The following MCM10 variants were observed in gnomAD, a reference collection of about 807,000 sequenced individuals.
The protein encoded by MCM10 is minichromosome maintenance 10 replication initiation factor.
MCM10 carries 91 observed loss-of-function variants against 109.9 expected under a neutral mutation model. That is an observed-to-expected ratio of 0.83 (90% CI 0.70 to 0.99). The LOEUF is 0.99. Among genes scored for constraint, MCM10 ranks in the 50% least tolerant of loss-of-function variants. The probability of loss-of-function intolerance (pLI) is 0.00; values close to 1 mark genes in which losing one functional copy is unlikely to be tolerated. For synonymous variants in MCM10, 380 were observed against 387.2 expected (o/e 0.98, Z 0.22); for missense variants, 1,077 against 1,061.2 (o/e 1.01, Z -0.21).
intron 18 of MCM10, among the ~76,000 whole-genome samples, chr10:13,205,848 A>T (rs1236745001): frequency 6.6e-6 from 1 of 151,926 alleles, no homozygotes; most frequent in East Asian, 1.9e-4. Flanking sequence ...TTCTCTTTTT[A>T]CTTTTGGGGG....
chr10:13,195,295 A>G, intron 14 of MCM10, 26 bp downstream of exon 14: 2 of 1,546,538 alleles, frequency 1.3e-6, no homozygotes, highest in East Asian at 2.4e-5. Flanking sequence ...TCTCTTTAGC[A>G]CTTGAGTTTG....
At chr10:13,194,654 T>C (rs1432707403) in intron 13 of MCM10, among the ~76,000 whole-genome samples, 1 of 152,188 alleles carries the variant, frequency 6.6e-6, no homozygotes, top group Admixed American at 6.5e-5. Context: ...CCCAGTAGCA[T>C]AAACAAAGAT....
At chr10:13,165,233 A>C (rs1833979969) in intron 2 of MCM10, among the ~76,000 whole-genome samples, 1 of 152,224 alleles carries the variant, frequency 6.6e-6, no homozygotes, top group Non-Finnish European at 1.5e-5. Context: ...CAATTATGAC[A>C]ATATACTGTA....
rs1834092725 is a variant in MCM10, at chr10:13,172,799, A to G, written c.592+34A>G. Reference sequence around the variant, plus strand: ...CTTGCGGTCTCAGTATCTTGGCACTATTGTATGTGTTTATGTGTGTGGGGG... The same window carrying G: ...CTTGCGGTCTCAGTATCTTGGCACTGTTGTATGTGTTTATGTGTGTGGGGG... On this transcript the variant is annotated intron_variant, in intron 5 of 19. Transcript: ENST00000378714. The surrounding 1 kb of genome is among the most constrained non-coding windows in gnomAD (Gnocchi z 5.2). The G allele has an allele frequency of 3.7e-6, 6 of 1,610,638 alleles. No homozygotes were observed. The highest frequency in any genetic ancestry group is 2.2e-5 in the East Asian group (1 of 44,842).
At position 13,198,788 on chromosome 10, in the gene MCM10, A is replaced by T; in HGVS notation, c.2219A>T (p.His740Leu). 1 of 1,612,354 alleles carries T rather than the reference A, an allele frequency of 6.2e-7. No individual in the cohort carries two copies. The highest frequency in any genetic ancestry group is 8.5e-7 in the Non-Finnish European group (1 of 1,179,258). Residue 740 changes from histidine (H) to leucine (L), a missense_variant, in exon 16 of 20, where the codon CAC becomes CTC. Transcript: ENST00000378714. ...AAAATCCTAAAAGCAAAATCAAAAC[A>T]CACAGGCATCCTGAAAGAGGTAAGA... is the stretch of plus-strand genomic sequence containing the variant. ...FQKILKAKSK[H>L]TGILKEAEAE...
chr10:13,163,712 A>T (rs555271009), intron 1 of MCM10, among the ~76,000 whole-genome samples: 10 of 152,136 alleles, frequency 6.6e-5, no homozygotes, highest in African/African-American at 1.4e-4. Context: ...TGTAATTTTT[A>T]AAAAAGACAA....
At chr10:13,173,512 C>A (rs1000067999) in intron 5 of MCM10, among the ~76,000 whole-genome samples, 3 of 152,170 alleles carry the variant, frequency 2.0e-5, no homozygotes, top group African/African-American at 4.8e-5. Flanking sequence ...AGTGAAAAGG[C>A]TTTCTGCCCT....
chr10:13,202,682 C>G (rs999952143), intron 17 of MCM10, among the ~76,000 whole-genome samples: 2 of 152,070 alleles, frequency 1.3e-5, no homozygotes, highest in African/African-American at 4.8e-5. Flanking sequence ...AGACAGGAAA[C>G]ACAAACCCAC....
Position 13,172,659 on chromosome 10 carries a change from G to A in MCM10, c.486G>A (p.Arg162=). The change falls in exon 5 of 20, where the codon AGG becomes AGA. Residue 162 remains arginine (R), a synonymous_variant. Transcript: ENST00000378714. The surrounding 1 kb of genome is among the most constrained non-coding windows in gnomAD (Gnocchi z 5.2). The part of the protein sequence containing the change: ...EKSPRPPLKE[R]RVQRIQESTC... ...CTCCCCGGCCACCTCTTAAGGAGAG[G>A]AGAGTTCAGAGAATTCAGGAGTCAA... The A allele has an allele frequency of 6.2e-7, 1 of 1,614,184 alleles. No individual in the cohort carries two copies. The highest frequency in any genetic ancestry group is 8.5e-7 in the Non-Finnish European group (1 of 1,180,038).
In MCM10 at chr10:13,192,329, A is replaced by T; in HGVS notation, c.1591A>T (p.Asn531Tyr). 1 of 1,609,682 alleles carries T rather than the reference A, an allele frequency of 6.2e-7. No homozygotes were observed. The highest frequency in any genetic ancestry group is 1.1e-5 in the South Asian group (1 of 90,072). Reference sequence around the variant, plus strand: ...GGACCTGCCGACGTGTGGAGCCAGGAACTTAAAACAACATTTAGCCAAAGC... The same window carrying T: ...GGACCTGCCGACGTGTGGAGCCAGGTACTTAAAACAACATTTAGCCAAAGC... ...LMDLPTCGAR[N>Y]LKQHLAKATA... Residue 531 changes from asparagine (N) to tyrosine (Y), a missense_variant, in exon 12 of 20, where the codon AAC becomes TAC. Coordinates refer to ENST00000378714, the MANE Select transcript of MCM10 (RefSeq NM_018518.5).
At chr10:13,207,710 T>C (rs979816201) in intron 18 of MCM10, among the ~76,000 whole-genome samples, 20 of 152,260 alleles carry the variant, frequency 1.3e-4, no homozygotes, top group African/African-American at 4.3e-4. Context: ...CCTGCCGCCA[T>C]GTAAGACATG....
intron 1 of MCM10, among the ~76,000 whole-genome samples, chr10:13,162,597 G>GAA (rs1833941529): frequency 6.6e-6 from 1 of 152,176 alleles, no homozygotes; most frequent in Non-Finnish European, 1.5e-5. Flanking sequence ...CACAGTACTT[G>GAA]TCAGTGGCCG....
chr10:13,197,524 G>C (rs1250984043), intron 14 of MCM10, 99 bp from the exon 15 acceptor site: 7 of 1,080,372 alleles, frequency 6.5e-6, no homozygotes, highest in Non-Finnish European at 9.4e-6. Flanking sequence ...TCAGAGAACA[G>C]CCAGAATTCA....
intron 6 of MCM10, 44 bp from the exon 7 acceptor site, chr10:13,180,394 ATTTC>A: frequency 1.3e-6 from 2 of 1,549,792 alleles, no homozygotes; most frequent in Non-Finnish European, 1.7e-6. Context: ...GTGCCAGGTA[ATTTC>A]TTTATTAGAA....
Position 13,192,507 on chromosome 10 carries a change from A to T in MCM10, c.1684A>T (p.Lys562Ter). Residue 562 changes from lysine to a stop codon, truncating the protein, a stop_gained, in exon 13 of 20, where the codon AAG (lysine) becomes TAG (stop). Transcript: ENST00000378714. LOFTEE classifies it high-confidence loss of function. ...IKSISASALL[K>*]QQKQRMLEMR... ...GTCCATCTCGGCCTCAGCACTCTTG[A>T]AGCAACAGAAGCAGCGGATGTTGGA... is the stretch of plus-strand genomic sequence containing the variant. 1.2e-6 allele frequency: 2 copies of T among 1,614,186 alleles called. No homozygotes were observed. The highest frequency in any genetic ancestry group is 1.7e-6 in the Non-Finnish European group (2 of 1,180,042).
At position 13,204,313 on chromosome 10, in the gene MCM10, C is replaced by G. The variant is rs759878063; in HGVS notation, c.2447C>G (p.Pro816Arg). The change falls in exon 18 of 20, where the codon CCC becomes CGC. Residue 816 changes from proline to arginine, a missense_variant. Pro to Arg is a moderately radical substitution (Grantham distance 103, BLOSUM62 -2). Coordinates refer to ENST00000378714, the MANE Select transcript of MCM10 (RefSeq NM_018518.5). ...HDGVKRFFKCPCGNRSISLDR... is the reference protein window; with the variant it reads ...HDGVKRFFKCRCGNRSISLDR... ...GGTGTGAAGAGGTTTTTCAAATGTC[C>G]CTGTGGAAACAGAAGCATCTCCTTG... The G allele has an allele frequency of 6.8e-6, 11 of 1,614,096 alleles. No individual in the cohort carries two copies. Among genetic ancestry groups the G allele is most frequent in the Non-Finnish European group, 9.3e-6 (11 of 1,180,008 alleles).
At chr10:13,180,913 T>C (rs1834202026) in intron 7 of MCM10, among the ~76,000 whole-genome samples, 5 of 152,292 alleles carry the variant, frequency 3.3e-5, no homozygotes, top group Admixed American at 3.3e-4. Context: ...ATCTCTCCCA[T>C]GGAGGAGAGG....
chr10:13,207,470 A>C (rs923113138), intron 18 of MCM10, among the ~76,000 whole-genome samples: 1 of 152,170 alleles, frequency 6.6e-6, no homozygotes, highest in African/African-American at 2.4e-5. Context: ...GGCTAAGGCC[A>C]CTGGCGTGCC....
chr10:13,163,217 T>C (rs1013634556), intron 1 of MCM10, among the ~76,000 whole-genome samples: 2 of 152,088 alleles, frequency 1.3e-5, no homozygotes, highest in Non-Finnish European at 2.9e-5. Context: ...TGCACGTTTG[T>C]AATCCCAGCT....
Sources: allele counts gnomAD v4.1 joint callset (sites outside exome capture counted in the v4.1 genomes callset), GRCh38; gene constraint gnomAD v4.1.1; non-coding constraint Gnocchi (gnomAD v3.1); transcripts MANE v1.5; gene names NCBI Gene and HGNC (gene_info 2026-07-23, HGNC 2026-07-21).